The following FANCI variants were observed in gnomAD, a reference collection of about 807,000 sequenced individuals.
FANCI encodes Fanconi anemia group I protein.
FANCI carries 156 observed loss-of-function variants against 176.1 expected under a neutral mutation model. The observed-to-expected ratio is 0.89, with a 90% CI of 0.78 to 1.01. The LOEUF is 1.01. Ranked by LOEUF, FANCI falls within the 50% of genes least tolerant of loss-of-function variation. The pLI, the probability that FANCI is intolerant of heterozygous loss-of-function variation, is 0.00. For missense variants in FANCI, 1,678 were observed against 1,534.1 expected (o/e 1.09, Z -1.57); for synonymous variants, 613 against 541.7 (o/e 1.13, Z -1.83).
At chr15:89,250,794 A>G (rs1232163916) in intron 2 of FANCI, among the ~76,000 whole-genome samples, 1 of 151,492 alleles carries the variant, frequency 6.6e-6, no homozygotes, top group Non-Finnish European at 1.5e-5. Context: ...GAATAATTAC[A>G]GATAACAAAA....
intron 7 of FANCI, among the ~76,000 whole-genome samples, 197 bp from the exon 8 acceptor site, chr15:89,263,706 C>T (rs2032153579): frequency 6.6e-6 from 1 of 152,022 alleles, no homozygotes; most frequent in East Asian, 1.9e-4. Context: ...GTTATTGGTT[C>T]CCTTAAAGGT....
chr15:89,277,614 A>G (rs1176197094), intron 13 of FANCI, among the ~76,000 whole-genome samples: 3 of 136,150 alleles, frequency 2.2e-5, no homozygotes, highest in African/African-American at 7.6e-5. Flanking sequence ...CCTATCTCAA[A>G]AAAAAAAAAA....
intron 9 of FANCI, among the ~76,000 whole-genome samples, chr15:89,265,580 G>C (rs2052909776): frequency 6.6e-6 from 1 of 150,578 alleles, no homozygotes; most frequent in African/African-American, 2.5e-5. Flanking sequence ...CTGGAGTGCA[G>C]TGGTACGATC....
chr15:89,279,117 T>C (rs1339307752), intron 14 of FANCI, among the ~76,000 whole-genome samples: 2 of 151,728 alleles, frequency 1.3e-5, no homozygotes, highest in African/African-American at 4.9e-5. Flanking sequence ...AGTGTTTCTC[T>C]CTGGTAACCT....
At chr15:89,313,206 G>A (rs760179688) in intron 35 of FANCI, among the ~76,000 whole-genome samples, 4 of 151,942 alleles carry the variant, frequency 2.6e-5, no homozygotes, top group Non-Finnish European at 5.9e-5. Context: ...TTTTGGGGGT[G>A]ATGAAAATGT....
rs758852745 is a variant in FANCI at position 89,292,847 on chromosome 15, C to G, written c.2152C>G (p.Leu718Val). 5.0e-6 allele frequency: 8 copies of G among 1,613,934 alleles called. No homozygotes were observed. In the African/African-American group the frequency reaches 1.1e-4, roughly 22 times the overall value. The change falls in exon 21 of 38, where the codon CTG becomes GTG. Residue 718 changes from leucine to valine, a missense_variant. By Grantham distance (32) the Leu-to-Val change is conservative. Coordinates refer to ENST00000310775, the MANE Select transcript of FANCI (RefSeq NM_001113378.2). ...TACTAATAGAATGATTAAGAGTGAG[C>G]TGGAAGACTTTGAACTGGTAATTGC... ...SITNRMIKSELEDFELDKSAD... is the reference protein window; with the variant it reads ...SITNRMIKSEVEDFELDKSAD...
chr15:89,279,154 T>C (rs1014302786), intron 14 of FANCI, among the ~76,000 whole-genome samples: 2 of 143,148 alleles, frequency 1.4e-5, no homozygotes, highest in African/African-American at 6.0e-5. Flanking sequence ...GTTGTTGTTG[T>C]TGTTGTTGTT....
intron 14 of FANCI, among the ~76,000 whole-genome samples, chr15:89,279,101 C>A (rs1025226150): frequency 1.3e-5 from 2 of 152,194 alleles, no homozygotes; most frequent in African/African-American, 2.4e-5. Flanking sequence ...GACATTTGGA[C>A]TGCACAGTGT....
chr15:89,305,164 T>C lies in FANCI; in HGVS notation c.3108T>C (p.His1036=). 1 of 1,614,210 alleles carries C rather than the reference T, an allele frequency of 6.2e-7. No homozygotes were observed. Among genetic ancestry groups the C allele is most frequent in the Non-Finnish European group, 8.5e-7 (1 of 1,180,042 alleles). Residue 1036 remains histidine, a synonymous_variant, in exon 29 of 38, where the codon CAT becomes CAC. Coordinates refer to ENST00000310775, the MANE Select transcript of FANCI (RefSeq NM_001113378.2). ...KSLMNLLFSL[H]VSYKSPVILL... ...TGATGAACTTGCTCTTCAGCCTGCA[T>C]GTTTCGTATAAGAGTCCTGTCATTC...
chr15:89,258,284 A>G (rs917712878), intron 2 of FANCI, among the ~76,000 whole-genome samples: 2 of 152,130 alleles, frequency 1.3e-5, no homozygotes, highest in East Asian at 1.9e-4. Flanking sequence ...TCCTTTCCTC[A>G]CTTATTGTCT....
intron 9 of FANCI, among the ~76,000 whole-genome samples, chr15:89,266,002 T>C (rs1027825303): frequency 8.6e-5 from 13 of 150,414 alleles, no homozygotes; most frequent in Admixed American, 3.3e-4. Context: ...TTATTTCTTT[T>C]TTTTTTTTTT....
At chr15:89,285,400 A>T (rs1055364374) in intron 18 of FANCI, among the ~76,000 whole-genome samples, 182 bp downstream of exon 18, 3 of 152,196 alleles carry the variant, frequency 2.0e-5, no homozygotes, top group Non-Finnish European at 1.5e-5. Flanking sequence ...CACACCTGTA[A>T]TCCCAACACC....
intron 19 of FANCI, 30 bp downstream of exon 19, chr15:89,290,311 A>G (rs1263413901): frequency 2.6e-6 from 4 of 1,530,484 alleles, no homozygotes; most frequent in Non-Finnish European, 2.7e-6. Flanking sequence ...ATATATGGAA[A>G]ACAGACCATC....
chr15:89,295,243 T>C (rs1596308001), intron 24 of FANCI, 149 bp downstream of exon 24: 1 of 924,640 alleles, frequency 1.1e-6, no homozygotes, highest in Non-Finnish European at 1.6e-6. Flanking sequence ...GGCAGGCACT[T>C]GTAATCCCAG....
chr15:89,251,062 T>C (rs911075820), intron 2 of FANCI, among the ~76,000 whole-genome samples: 13 of 151,890 alleles, frequency 8.6e-5, no homozygotes, highest in Non-Finnish European at 1.6e-4. Flanking sequence ...AAAAACACCA[T>C]TAATTAATAT....
rs1036239852 is a variant in FANCI, at chr15:89,309,218, T to G, written c.3651+1546T>G. On this transcript the variant is annotated intron_variant, in intron 34 of 37. Transcript: ENST00000310775. ...TCTCAAACCTCATGCTTGTAAATTT[T>G]CATGTGGGTGCCATTCGTCAAACAA... 1.8e-4 allele frequency among the ~76,000 whole-genome samples: 28 copies of G among 152,218 alleles called. 1 individual carries two copies. Among genetic ancestry groups the G allele is most frequent in the Admixed American group, 1.3e-3 (20 of 15,280 alleles).
Position 89,264,528 on chromosome 15 carries a change from A to G in FANCI, c.676A>G (p.Arg226Gly). Residue 226 changes from arginine (R) to glycine (G), a missense_variant, in exon 9 of 38, where the codon AGA becomes GGA. Coordinates refer to ENST00000310775, the MANE Select transcript of FANCI (RefSeq NM_001113378.2). ...AATTTTGTATTGTTTTCAGGGAAGC[A>G]GAAAGAGTGTTTTGGAAGGAATCAT... The part of the protein sequence containing the change: ...QLLVLSSKGS[R>G]KSVLEGIIAF... The G allele has an allele frequency of 6.2e-7, 1 of 1,613,754 alleles. No homozygotes were observed. The highest frequency in any genetic ancestry group is 8.5e-7 in the Non-Finnish European group (1 of 1,179,766).
chr15:89,297,758 A>ATCCCT (rs1178426842), intron 24 of FANCI, among the ~76,000 whole-genome samples: 1 of 102,752 alleles, frequency 9.7e-6, no homozygotes, highest in East Asian at 3.0e-4. Context: ...AGGGAGAGGG[A>ATCCCT]GACCGTGGGG....
chr15:89,316,381 T>C lies in FANCI; in HGVS notation c.3925-16T>C. ...CAGGTTTATCACGTTAGAGCATTAA[T>C]TCTTTCCCCTTCTAGGGCACTGCAT... On this transcript the variant is annotated splice_polypyrimidine_tract_variant and intron_variant, in intron 37 of 37. Transcript: ENST00000310775. 6.2e-7 allele frequency: 1 copy of C among 1,608,738 alleles called. No homozygotes were observed. The highest frequency in any genetic ancestry group is 8.5e-7 in the Non-Finnish European group (1 of 1,176,874).
Sources: gnomAD v4.1 joint callset for allele counts (sites outside exome capture counted in the v4.1 genomes callset) on GRCh38, gnomAD v4.1.1 for gene constraint, MANE v1.5 for transcripts, NCBI Gene and HGNC (gene_info 2026-07-23, HGNC 2026-07-21) for gene names.